PSPC1: variants seen among roughly 807,000 people sequenced by gnomAD.
The protein encoded by PSPC1 is paraspeckle component 1, also known as paraspeckle protein 1.
In PSPC1, 14 loss-of-function variants were observed where a neutral mutation model predicts 51.6. The observed-to-expected ratio is 0.27, with a 90% CI of 0.18 to 0.42. The LOEUF (loss-of-function observed/expected upper bound fraction) is 0.42, where lower values mean the gene tolerates loss of function less well. PSPC1 is among the 10% of genes least tolerant of loss of function. The pLI is 1.00. For missense variants in PSPC1, 406 were observed against 701.1 expected, an observed-to-expected ratio of 0.58 and a Z score of 4.75; for synonymous variants, 193 against 231.9, an observed-to-expected ratio of 0.83 and a Z score of 1.53.
intron 6 of PSPC1, among the ~76,000 whole-genome samples, chr13:19,724,720 C>A (rs1417225067): frequency 1.3e-5 from 2 of 151,900 alleles, no homozygotes; most frequent in Non-Finnish European, 2.9e-5. Context: ...CGAGCGTGGG[C>A]CGGGCGTGGT....
chr13:19,691,572 G>C (rs894136668), intron 6 of PSPC1, among the ~76,000 whole-genome samples: 5 of 151,902 alleles, frequency 3.3e-5, no homozygotes, highest in African/African-American at 1.2e-4. Flanking sequence ...TGATAAAATT[G>C]ACATGAATGA....
At chr13:19,731,785 C>A (rs993450778) in intron 5 of PSPC1, among the ~76,000 whole-genome samples, 3 of 152,106 alleles carry the variant, frequency 2.0e-5, no homozygotes, top group African/African-American at 7.2e-5. Context: ...AGGATGCTCA[C>A]CTGGTAAACA....
downstream of PSPC1, among the ~76,000 whole-genome samples, chr13:19,698,124 CCAGT>C (rs913989419): frequency 6.6e-6 from 1 of 151,878 alleles, no homozygotes; most frequent in African/African-American, 2.4e-5. Flanking sequence ...TATCAGAGAT[CCAGT>C]CAGAGAGAAA....
intron 2 of PSPC1, among the ~76,000 whole-genome samples, chr13:19,771,398 A>G (rs1409367316): frequency 1.3e-5 from 2 of 152,070 alleles, no homozygotes; most frequent in Admixed American, 6.6e-5. Context: ...TGGGCCTCCC[A>G]GAGTGCTGGG....
intron 6 of PSPC1, among the ~76,000 whole-genome samples, chr13:19,723,226 A>T (rs1432971611): frequency 6.6e-6 from 1 of 152,244 alleles, no homozygotes; most frequent in African/African-American, 2.4e-5. Context: ...GGAAAAAAGA[A>T]AACATGATAA....
At position 19,749,147 on chromosome 13, in the gene PSPC1, G is replaced by C. The variant is rs144872603; in HGVS notation, c.967+2124C>G. ...GGATCACCTGAGGTCAGGAGTTCAA[G>C]AGCAGCCTGGCCAACATGGTAAAAC... On this transcript the variant is annotated intron_variant, in intron 4 of 8. Coordinates refer to ENST00000338910, the MANE Select transcript of PSPC1 (RefSeq NM_001354909.2). Among the ~76,000 whole-genome samples, 1,285 of 152,262 alleles carry C rather than the reference G, an allele frequency of 8.4e-3. 16 individuals carry two copies. Among genetic ancestry groups the C allele is most frequent in the African/African-American group, 0.028 (1,182 of 41,544 alleles).
At chr13:19,748,718 ATTG>A (rs1212823153) in intron 4 of PSPC1, among the ~76,000 whole-genome samples, 3 of 149,866 alleles carry the variant, frequency 2.0e-5, no homozygotes, top group Admixed American at 1.4e-4. Context: ...TCTAATCAAC[ATTG>A]TTATCTAACT....
At chr13:19,730,972 A>C (rs868173666) in intron 5 of PSPC1, among the ~76,000 whole-genome samples, 17 of 145,912 alleles carry the variant, frequency 1.2e-4, no homozygotes, top group African/African-American at 3.2e-4. Flanking sequence ...AAACAAAAAA[A>C]AAAAAAACAG....
downstream of PSPC1, among the ~76,000 whole-genome samples, chr13:19,698,051 C>A (rs954566313): frequency 6.6e-6 from 1 of 151,952 alleles, no homozygotes; most frequent in Admixed American, 6.6e-5. Flanking sequence ...GTCACAGAAG[C>A]CTGGTTGATT....
intron 6 of PSPC1, among the ~76,000 whole-genome samples, chr13:19,697,426 A>G (rs558526009): frequency 6.6e-6 from 1 of 152,334 alleles, no homozygotes; most frequent in South Asian, 2.1e-4. Flanking sequence ...ACCAATACAC[A>G]GTAGGTCCCC....
intron 4 of PSPC1, among the ~76,000 whole-genome samples, chr13:19,750,431 CA>C (rs1286023703): frequency 7.7e-6 from 1 of 130,360 alleles, no homozygotes; most frequent in Non-Finnish European, 1.6e-5. Flanking sequence ...GACTCCATCT[CA>C]AAAAAAACAA....
At chr13:19,706,809 A>C (rs984899394) in intron 7 of PSPC1, among the ~76,000 whole-genome samples, 1 of 152,170 alleles carries the variant, frequency 6.6e-6, no homozygotes, top group Non-Finnish European at 1.5e-5. Context: ...TCAATTTCTC[A>C]AATATACATT....
At chr13:19,749,145 A>G (rs1040603348) in intron 4 of PSPC1, among the ~76,000 whole-genome samples, 10 of 152,092 alleles carry the variant, frequency 6.6e-5, no homozygotes, top group Non-Finnish European at 1.3e-4. Flanking sequence ...TCAGGAGTTC[A>G]AGAGCAGCCT....
At chr13:19,724,584 G>C (rs1883136770) in intron 6 of PSPC1, among the ~76,000 whole-genome samples, 1 of 150,108 alleles carries the variant, frequency 6.7e-6, no homozygotes, top group Non-Finnish European at 1.5e-5. Context: ...GCCGGGTACG[G>C]TGGCTCACAC....
At chr13:19,721,910 A>G (rs887339261) in intron 6 of PSPC1, among the ~76,000 whole-genome samples, 4 of 152,252 alleles carry the variant, frequency 2.6e-5, no homozygotes, top group African/African-American at 9.6e-5. Flanking sequence ...TTGTACCTCA[A>G]TGCCACCTAT....
intron 2 of PSPC1, among the ~76,000 whole-genome samples, chr13:19,761,026 C>T (rs1236741567): frequency 6.6e-6 from 1 of 151,566 alleles, no homozygotes; most frequent in Non-Finnish European, 1.5e-5. Context: ...AGCCAGGTAG[C>T]ATACACTACT....
At chr13:19,683,387 T>C (rs1204894868) in intron 6 of PSPC1, among the ~76,000 whole-genome samples, 3 of 152,184 alleles carry the variant, frequency 2.0e-5, no homozygotes, top group South Asian at 4.1e-4. Context: ...AAAAACATTA[T>C]GTGAAGTGGA....
At chr13:19,711,095 G>A (rs1444332275) in intron 6 of PSPC1, among the ~76,000 whole-genome samples, 1 of 152,016 alleles carries the variant, frequency 6.6e-6, no homozygotes, top group Non-Finnish European at 1.5e-5. Context: ...CCTGCCTCAC[G>A]CTCGCAATGT....
At chr13:19,709,178 A>AC (rs1240951820) in intron 7 of PSPC1, among the ~76,000 whole-genome samples, 1 of 151,204 alleles carries the variant, frequency 6.6e-6, no homozygotes, top group Non-Finnish European at 1.5e-5. Context: ...AAAAAAAAAA[A>AC]AGCCAAATAG....
Sources: gnomAD v4.1 joint callset for allele counts (sites outside exome capture counted in the v4.1 genomes callset) on GRCh38, gnomAD v4.1.1 for gene constraint, MANE v1.5 for transcripts, NCBI Gene and HGNC (gene_info 2026-07-23, HGNC 2026-07-21) for gene names.